Variants in LRRC63 observed in about 807,000 individuals in gnomAD.
LRRC63 encodes leucine-rich repeat-containing protein 63.
LRRC63 carries 40 observed loss-of-function variants against 49.5 expected under a neutral mutation model. The observed-to-expected ratio is 0.81, with a 90% CI of 0.63 to 1.05. LRRC63 has a LOEUF of 1.05. Ranked by LOEUF, LRRC63 falls within the 50% of genes least tolerant of loss-of-function variation. LRRC63 has a pLI of 0.00. For missense variants in LRRC63, 636 were observed against 663.1 expected (o/e 0.96, Z 0.45); for synonymous variants, 191 against 221.1 (o/e 0.86, Z 1.21).
exon 10 of LRRC63, chr13:46,276,755 T>A (rs1310221696): frequency 1.1e-5 from 14 of 1,224,342 alleles, no homozygotes; most frequent in Non-Finnish European, 1.3e-5. Context: ...TAGATGGTAG[T>A]CCTAGTAGAA....
intron 5 of LRRC63, among the ~76,000 whole-genome samples, chr13:46,245,422 C>G (rs1479719322): frequency 1.3e-5 from 2 of 152,112 alleles, no homozygotes; most frequent in African/African-American, 4.8e-5. Flanking sequence ...TTTAGGTACA[C>G]ATAGAACAAT....
chr13:46,222,825 T>C (rs1176384460), intron 2 of LRRC63, among the ~76,000 whole-genome samples: 2 of 151,854 alleles, frequency 1.3e-5, no homozygotes, highest in Admixed American at 1.3e-4. Flanking sequence ...TGTCCAACAA[T>C]GATAGACTGG....
chr13:46,267,119 C>A, intron 9 of LRRC63, 147 bp downstream of exon 9: 1 of 755,446 alleles, frequency 1.3e-6, no homozygotes, highest in Non-Finnish European at 2.0e-6. Flanking sequence ...TCAAATCGCT[C>A]CATCCAGTTC....
chr13:46,233,164 C>T (rs896409466), intron 4 of LRRC63, among the ~76,000 whole-genome samples: 2 of 152,036 alleles, frequency 1.3e-5, no homozygotes, highest in Admixed American at 1.3e-4. Flanking sequence ...TTTAAGAATC[C>T]TCAGATTCTT....
intron 7 of LRRC63, among the ~76,000 whole-genome samples, chr13:46,255,645 A>AAAAAAAAAAAAAATATATATATATATAT (rs1555328641): frequency 7.7e-6 from 1 of 129,466 alleles, no homozygotes; most frequent in African/African-American, 2.9e-5. Flanking sequence ...CCCTGCCTCA[A>AAAAAAAAAAAAAATATATATATATATAT]ATATATATAT....
chr13:46,225,963 C>G (rs2046561667), intron 2 of LRRC63, among the ~76,000 whole-genome samples: 1 of 151,324 alleles, frequency 6.6e-6, no homozygotes, highest in South Asian at 2.1e-4. Context: ...TTTTTACTCT[C>G]TTTTTCTATT....
intron 7 of LRRC63, among the ~76,000 whole-genome samples, chr13:46,251,896 A>G (rs2047393258): frequency 6.6e-6 from 1 of 151,968 alleles, no homozygotes; most frequent in African/African-American, 2.4e-5. Context: ...AAAGGTCAAC[A>G]TTTTGTTCAT....
At chr13:46,273,362 G>C (rs898382999) in intron 9 of LRRC63, among the ~76,000 whole-genome samples, 12 of 152,114 alleles carry the variant, frequency 7.9e-5, no homozygotes, top group African/African-American at 2.9e-4. Flanking sequence ...CCAGCACTTT[G>C]GAAGGCTGAG....
At chr13:46,216,902 T>G (rs1298582108) in intron 2 of LRRC63, among the ~76,000 whole-genome samples, 1 of 152,064 alleles carries the variant, frequency 6.6e-6, no homozygotes, top group Non-Finnish European at 1.5e-5. Flanking sequence ...TGATGGATTA[T>G]GTTTATTGAT....
intron 2 of LRRC63, among the ~76,000 whole-genome samples, chr13:46,215,454 G>A (rs532697311): frequency 8.6e-6 from 1 of 116,814 alleles, no homozygotes; most frequent in African/African-American, 4.1e-5. Flanking sequence ...ACTTTTTGAT[G>A]GGGTGGTTTG....
chr13:46,254,372 T>G (rs1041209600), intron 7 of LRRC63, among the ~76,000 whole-genome samples: 1 of 152,062 alleles, frequency 6.6e-6, no homozygotes, highest in Non-Finnish European at 1.5e-5. Context: ...ATTGAAGATG[T>G]GGAAGGATGA....
chr13:46,267,635 A>T (rs1464031859), intron 9 of LRRC63, among the ~76,000 whole-genome samples: 1 of 152,238 alleles, frequency 6.6e-6, no homozygotes, highest in African/African-American at 2.4e-5. Context: ...CAGAAAACCT[A>T]AACAGCCTAG....
At chr13:46,254,629 T>A (rs905652993) in intron 7 of LRRC63, among the ~76,000 whole-genome samples, 7 of 152,218 alleles carry the variant, frequency 4.6e-5, no homozygotes, top group African/African-American at 1.7e-4. Flanking sequence ...TCAGATAATC[T>A]TTGAGAGCAA....
intron 4 of LRRC63, among the ~76,000 whole-genome samples, chr13:46,230,274 TC>T (rs1353161994): frequency 1.3e-5 from 2 of 152,154 alleles, no homozygotes; most frequent in African/African-American, 4.8e-5. Flanking sequence ...GTGCAAAGTC[TC>T]ACGTGAGACA....
At chr13:46,223,489 T>G (rs530086066) in intron 2 of LRRC63, among the ~76,000 whole-genome samples, 32 of 151,352 alleles carry the variant, frequency 2.1e-4, no homozygotes, top group South Asian at 1.9e-3. Flanking sequence ...TTTTTGTTTT[T>G]TTTTTTTTTT....
At chr13:46,276,828 G>GTGTGTATATATA (rs1175818781) in exon 10 of LRRC63, 13 of 140,044 alleles carry the variant, frequency 9.3e-5, no homozygotes, top group African/African-American at 3.5e-4. Context: ...GTATGTGTGT[G>GTGTGTATATATA]TATATATATA....
chr13:46,234,696 T>G (rs975975499), intron 5 of LRRC63, among the ~76,000 whole-genome samples: 1 of 152,162 alleles, frequency 6.6e-6, no homozygotes, highest in African/African-American at 2.4e-5. Context: ...ATATCATGAA[T>G]AGCAATAATA....
intron 9 of LRRC63, among the ~76,000 whole-genome samples, chr13:46,268,221 A>G (rs1272074924): frequency 6.6e-6 from 1 of 152,184 alleles, no homozygotes; most frequent in Non-Finnish European, 1.5e-5. Context: ...GTTAACATTA[A>G]CTCAATGCAT....
At chr13:46,228,833 C>T (rs879052956) in intron 4 of LRRC63, 100 bp downstream of exon 4, 1 of 762,152 alleles carries the variant, frequency 1.3e-6, no homozygotes, top group South Asian at 1.7e-5. Flanking sequence ...GTGATTCACA[C>T]ATGCATAACA....
Sources: gnomAD v4.1 joint callset for allele counts (sites outside exome capture counted in the v4.1 genomes callset) on GRCh38, gnomAD v4.1.1 for gene constraint, MANE v1.5 for transcripts, NCBI Gene and HGNC (gene_info 2026-07-23, HGNC 2026-07-21) for gene names.